NOTCH1: variants seen among roughly 807,000 people sequenced by gnomAD.
NOTCH1 encodes the protein neurogenic locus notch homolog protein 1.
A neutral mutation model predicts 254.8 loss-of-function variants in NOTCH1; 37 were observed. The observed-to-expected ratio is 0.15, with a 90% confidence interval of 0.11 to 0.19. The LOEUF is 0.19. Ranked by LOEUF, NOTCH1 falls within the 10% of genes least tolerant of loss-of-function variation. NOTCH1 has a pLI of 1.00. For missense variants in NOTCH1, 2,972 were observed against 3,708.6 expected, an observed-to-expected ratio of 0.80 and a Z score of 5.16; for synonymous variants, 1,731 against 1,618.1, an observed-to-expected ratio of 1.07 and a Z score of -1.68.
chr9:136,497,425 A>C lies in NOTCH1; in HGVS notation c.6314T>G (p.Met2105Arg), dbSNP rs373091110. The change falls in exon 34 of 34, where the codon ATG becomes AGG. Residue 2105 changes from methionine to arginine, a missense_variant. By Grantham distance (91) the Met-to-Arg change is moderately conservative. Transcript: ENST00000651671. ...RLPRDIAQERMHHDIVRLLDE... is the reference protein window; with the variant it reads ...RLPRDIAQERRHHDIVRLLDE... Reference sequence around the variant, plus strand: ...CAGCAGCCTCACGATGTCGTGATGCATGCGCTCCTGTGCGATGTCGCGCGG... The same window carrying C: ...CAGCAGCCTCACGATGTCGTGATGCCTGCGCTCCTGTGCGATGTCGCGCGG... 9 of 1,612,012 alleles carry C rather than the reference A, an allele frequency of 5.6e-6. No homozygotes were observed. Among genetic ancestry groups the C allele is most frequent in the Non-Finnish European group, 7.6e-6 (9 of 1,179,916 alleles).
rs568938679 is a variant in NOTCH1, at chr9:136,545,057, G to A, written c.61+669C>T. ...GGAGAAATGTAAGAGCCCCCCACCC[G>A]CGTCCCGCTCTCCGCCCCCAAGCTT... On this transcript the variant is annotated intron_variant, in intron 1 of 33. Coordinates refer to ENST00000651671, the MANE Select transcript of NOTCH1 (RefSeq NM_017617.5). The surrounding 1 kb of genome is among the most constrained non-coding windows in gnomAD (Gnocchi z 6.8). Among the ~76,000 whole-genome samples the A allele has an allele frequency of 6.6e-6, 1 of 151,788 alleles. No homozygotes were observed. The highest frequency in any genetic ancestry group is 2.1e-4 in the South Asian group (1 of 4,800).
rs765380569 is a variant in NOTCH1, at chr9:136,505,002, C to G, written c.4689G>C (p.Glu1563Asp). 1.2e-6 allele frequency: 2 copies of G among 1,601,278 alleles called. No individual in the cohort carries two copies. The highest frequency in any genetic ancestry group is 4.5e-5 in the East Asian group (2 of 44,366). ...CGGCCGCCAGCCTCTCGGGTACATG[C>G]TCCGCACAGTCCAGCCCGTCCCACT... The part of the protein sequence containing the change: ...ECEWDGLDCA[E>D]HVPERLAAGT... Residue 1563 changes from glutamate to aspartate, a missense_variant, in exon 26 of 34, where the codon GAG (glutamate) becomes GAC (aspartate). Physicochemically the swap from Glu to Asp is conservative, Grantham distance 45. Around this residue, in one of 8 missense-constraint regions of NOTCH1, gnomAD observed 1,343 missense variants for 1,557.0 expected, o/e 0.86. Coordinates refer to ENST00000651671, the MANE Select transcript of NOTCH1 (RefSeq NM_017617.5).
chr9:136,519,512 A>G lies in NOTCH1; in HGVS notation c.796T>C (p.Cys266Arg). ...TCCACACAGGCACCCCCGTTCTTGC[A>G]GTTGTTTCCTGGACAATCGTCGATA... The part of the protein sequence containing the change: ...ENIDDCPGNN[C>R]KNGGACVDGV... Residue 266 changes from cysteine (C) to arginine (R), a missense_variant, in exon 5 of 34, where the codon TGC (cysteine) becomes CGC (arginine). Coordinates refer to ENST00000651671, the MANE Select transcript of NOTCH1 (RefSeq NM_017617.5). 1 of 1,613,012 alleles carries G rather than the reference A, an allele frequency of 6.2e-7. No individual in the cohort carries two copies. The highest frequency in any genetic ancestry group is 8.5e-7 in the Non-Finnish European group (1 of 1,179,942).
chr9:136,515,671 G>T lies in NOTCH1; in HGVS notation c.1715C>A (p.Pro572His), dbSNP rs769389809. The T allele has an allele frequency of 6.4e-7, 1 of 1,567,960 alleles. No individual in the cohort carries two copies. Among genetic ancestry groups the T allele is most frequent in the Admixed American group, 1.9e-5 (1 of 54,042 alleles). Residue 572 changes from proline to histidine, a missense_variant, in exon 11 of 34, where the codon CCC becomes CAC. Transcript: ENST00000651671. ...GCAGGAGCCGTAGTGGCAGGGGTCG[G>T]GGTCGCACTCATCGATGTCCACCTC... ...HCEVDIDECD[P>H]DPCHYGSCKD...
intron 19 of NOTCH1, 95 bp from the exon 20 acceptor site, chr9:136,508,480 G>C (rs1305331794): frequency 6.4e-7 from 1 of 1,552,634 alleles, no homozygotes; most frequent in African/African-American, 1.4e-5. Flanking sequence ...CTCCAACCCA[G>C]GCTGCAACCC....
rs3812596 is a variant in NOTCH1 at position 136,497,091 on chromosome 9, C to T, written c.6648G>A (p.Pro2216=). The change falls in exon 34 of 34, where the codon CCG becomes CCA. Residue 2216 remains proline (P), a synonymous_variant. Transcript: ENST00000651671. ...GCTGGAACGGGGAGGGCAGCAGTGG[C>T]GGCGAGGCCACGTCTGACAGGTAGC... is the stretch of plus-strand genomic sequence containing the variant. ...PHGYLSDVAS[P]PLLPSPFQQS... is the part of the protein sequence containing the mutation. 4.9e-3 allele frequency: 7,962 copies of T among 1,609,458 alleles called. 183 individuals carry two copies. The East Asian group carries it at 0.063, about 13-fold the overall frequency.
intron 13 of NOTCH1, among the ~76,000 whole-genome samples, chr9:136,514,137 G>A (rs757337956): frequency 1.4e-4 from 21 of 152,188 alleles, no homozygotes; most frequent in Admixed American, 3.3e-4. Context: ...CCTTCTCTGC[G>A]CCAAATGAGG....
chr9:136,507,829 A>G (rs1309228503), intron 21 of NOTCH1, 126 bp downstream of exon 21: 4 of 1,016,838 alleles, frequency 3.9e-6, no homozygotes, highest in Admixed American at 1.9e-5. Flanking sequence ...GCCCTCCCCT[A>G]ATGAGACTGA....
In NOTCH1 at chr9:136,500,621, G is replaced by A. The variant is rs1554826853; in HGVS notation, c.5865C>T (p.Asn1955=). ...GGGTGCGGCCCATGTTGTCCTGGAT[G>A]TTGGCATCTGCGCTGGCCTCCAGCA... The part of the protein sequence containing the change: ...KRLLEASADA[N]IQDNMGRTPL... The change falls in exon 31 of 34, where the codon AAC becomes AAT. Residue 1955 remains asparagine, a synonymous_variant. Coordinates refer to ENST00000651671, the MANE Select transcript of NOTCH1 (RefSeq NM_017617.5). The A allele has an allele frequency of 1.9e-6, 3 of 1,612,142 alleles. No homozygotes were observed. The highest frequency in any genetic ancestry group is 2.5e-6 in the Non-Finnish European group (3 of 1,179,888).
intron 2 of NOTCH1, among the ~76,000 whole-genome samples, chr9:136,525,314 C>G (rs192088149): frequency 1.3e-5 from 2 of 152,310 alleles, no homozygotes; most frequent in East Asian, 3.9e-4. Context: ...CCTGCGGCAA[C>G]AGGCGCAGAG....
rs2133328710 is a variant in NOTCH1 at position 136,501,799 on chromosome 9, G to T, written c.5587C>A (p.Pro1863Thr). 1.2e-6 allele frequency: 2 copies of T among 1,612,762 alleles called. No individual in the cohort carries two copies. Among genetic ancestry groups the T allele is most frequent in the South Asian group, 1.1e-5 (1 of 91,084 alleles). Residue 1863 changes from proline to threonine, a missense_variant, in exon 30 of 34, where the codon CCC (proline) becomes ACC (threonine). Pro to Thr is a conservative substitution (Grantham distance 38). Transcript: ENST00000651671. ...CAGTCGGCGTCAACCTCACCCTGGG[G>T]CGGTGTGGGGGCCATGGCAGACATG... ...LRMSAMAPTP[P>T]QGEVDADCMD...
rs756111268 is a variant in NOTCH1 at position 136,523,034 on chromosome 9, G to A, written c.558C>T (p.Pro186=). Residue 186 remains proline, a synonymous_variant, in exon 4 of 34, where the codon CCC becomes CCT. Coordinates refer to ENST00000651671, the MANE Select transcript of NOTCH1 (RefSeq NM_017617.5). The part of the protein sequence containing the change: ...RQDVNECGQK[P]GLCRHGGTCH... ...AGGTGCCTCCGTGGCGGCAAAGCCCGGGCTTCTGGCCACACTCGTTGACAT... is the reference window on the plus strand; with the variant it reads ...AGGTGCCTCCGTGGCGGCAAAGCCCAGGCTTCTGGCCACACTCGTTGACAT... The A allele has an allele frequency of 4.2e-5, 66 of 1,553,200 alleles. No individual in the cohort carries two copies. Among genetic ancestry groups the A allele is most frequent in the South Asian group, 8.3e-5 (7 of 84,372 alleles).
At chr9:136,533,576 CCT>C (rs1843596409) in intron 2 of NOTCH1, among the ~76,000 whole-genome samples, 1 of 152,228 alleles carries the variant, frequency 6.6e-6, no homozygotes, top group African/African-American at 2.4e-5. Context: ...AAGCCCAGCC[CCT>C]GCCTGCCACG....
At chr9:136,536,582 C>T (rs1238431618) in intron 2 of NOTCH1, among the ~76,000 whole-genome samples, 2 of 152,214 alleles carry the variant, frequency 1.3e-5, no homozygotes, top group East Asian at 3.8e-4. Context: ...CCCCAGCCAC[C>T]GCCGCTCCTT....
rs566967944 is a variant in NOTCH1, at chr9:136,511,374, G to C, written c.2468-103C>G. On this transcript the variant is annotated intron_variant, in intron 15 of 33. Transcript: ENST00000651671. ...TTCCGCCATCAGAGTGCCGTCTGCT[G>C]GTCCCGCCGGGAGGCAAATGTGCAC... The C allele has an allele frequency of 2.0e-5, 29 of 1,437,442 alleles. No individual in the cohort carries two copies. The South Asian group carries it at 3.6e-4, about 18-fold the overall frequency. 89.0% of individuals were successfully genotyped at this position (1,437,442 alleles called of 1,614,324 possible).
chr9:136,515,737 G>C lies in NOTCH1; in HGVS notation c.1670-21C>G, dbSNP rs531296045. 7.6e-4 allele frequency: 1,164 copies of C among 1,529,092 alleles called. No individual in the cohort carries two copies. In the Middle Eastern group the frequency reaches 0.012, roughly 15 times the overall value. The allele number at this position is 1,529,092 out of a possible 1,614,324, so 94.7% of individuals were successfully genotyped here. A position where few individuals can be genotyped will look rare whatever the true frequency, so the allele number is the denominator to read the frequency against. On this transcript the variant is annotated intron_variant, in intron 10 of 33. Transcript: ENST00000651671. The stretch of plus-strand genomic sequence containing the variant: ...GTACCCTGGACCGTGGGAGGGGCGG[G>C]CACAGGAAGACTTAGGACTGGCGGC...
chr9:136,496,163 G>T lies in NOTCH1; in HGVS notation c.7576C>A (p.His2526Asn), dbSNP rs2133314079. The change falls in exon 34 of 34, where the codon CAT becomes AAT. Residue 2526 changes from histidine to asparagine, a missense_variant. Coordinates refer to ENST00000651671, the MANE Select transcript of NOTCH1 (RefSeq NM_017617.5). ...TCGGACCAGTCGGAGACGTTGGAAT[G>T]CGGGGACGAGCTGGACCACTGGTCA... ...SPDQWSSSSP[H>N]SNVSDWSEGV... 6.2e-7 allele frequency: 1 copy of T among 1,610,334 alleles called. No individual in the cohort carries two copies. The highest frequency in any genetic ancestry group is 1.7e-4 in the Middle Eastern group (1 of 6,054).
rs777957099 is a variant in NOTCH1, at chr9:136,496,887, G to A, written c.6852C>T (p.Thr2284=). 45 of 1,612,750 alleles carry A rather than the reference G, an allele frequency of 2.8e-5. No individual in the cohort carries two copies. Among genetic ancestry groups the A allele is most frequent in the East Asian group, 2.4e-4 (11 of 44,898 alleles). ...CCCCTCCGCTGCTGGAGCCCAGGAC[G>A]GTGCTGGTGCCAGAGGCCACAGGCA... ...SHLPVASGTS[T]VLGSSSGGAL... The change falls in exon 34 of 34, where the codon ACC becomes ACT. Residue 2284 remains threonine, a synonymous_variant. Coordinates refer to ENST00000651671, the MANE Select transcript of NOTCH1 (RefSeq NM_017617.5).
At chr9:136,511,833 C>T (rs999801107) in intron 15 of NOTCH1, among the ~76,000 whole-genome samples, 4 of 152,324 alleles carry the variant, frequency 2.6e-5, no homozygotes, top group East Asian at 1.9e-4. Context: ...GCACGGGGCA[C>T]GGCCTGGAGA....
Sources: allele counts gnomAD v4.1 joint callset (sites outside exome capture counted in the v4.1 genomes callset), GRCh38; gene constraint gnomAD v4.1.1; regional missense constraint gnomAD v4.1.1; non-coding constraint Gnocchi (gnomAD v3.1); transcripts MANE v1.5; gene names NCBI Gene and HGNC (gene_info 2026-07-23, HGNC 2026-07-21).